Variants in NCKAP5 observed in about 807,000 individuals in gnomAD.
The protein encoded by NCKAP5 is nck-associated protein 5.
NCKAP5 carries 92 observed loss-of-function variants against 167.0 expected under a neutral mutation model. That is an observed-to-expected ratio of 0.55 (90% CI 0.47 to 0.66). NCKAP5 has a LOEUF of 0.66. Ranked by LOEUF, NCKAP5 falls within the 30% of genes least tolerant of loss-of-function variation. The probability of loss-of-function intolerance (pLI) is 0.00; values close to 1 mark genes in which losing one functional copy is unlikely to be tolerated. For synonymous variants in NCKAP5, 891 were observed against 877.4 expected (o/e 1.02, Z -0.27); for missense variants, 2,378 against 2,315.0 (o/e 1.03, Z -0.56).
At chr2:132,771,642 A>G (rs1457543421) in intron 16 of NCKAP5, among the ~76,000 whole-genome samples, 1 of 151,384 alleles carries the variant, frequency 6.6e-6, no homozygotes, top group African/African-American at 2.4e-5. Context: ...TAAGTGCCCT[A>G]TACAGGTATA....
rs546900812 is a variant in NCKAP5, at chr2:132,900,213, T to G, written c.580-21297A>C. On this transcript the variant is annotated intron_variant, in intron 8 of 19. Coordinates refer to ENST00000409261, the MANE Select transcript of NCKAP5 (RefSeq NM_207363.3). ...AATAATAATGAAAATGTTTAAAATC[T>G]TGTGAGATTATAAAAATGTGAAAAG... 3.9e-5 allele frequency among the ~76,000 whole-genome samples: 6 copies of G among 152,274 alleles called. No individual in the cohort carries two copies. In the East Asian group the frequency reaches 1.2e-3, roughly 29 times the overall value.
chr2:133,200,955 C>G (rs995464268), intron 5 of NCKAP5, among the ~76,000 whole-genome samples: 7 of 152,140 alleles, frequency 4.6e-5, no homozygotes, highest in Admixed American at 3.3e-4. Flanking sequence ...GTACCAAACC[C>G]TACATATACT....
At chr2:133,230,177 T>C (rs2087077976) in intron 4 of NCKAP5, among the ~76,000 whole-genome samples, 1 of 152,164 alleles carries the variant, frequency 6.6e-6, no homozygotes, top group Non-Finnish European at 1.5e-5. Flanking sequence ...GACACTGGCC[T>C]GGGTCCTGAA....
chr2:133,547,488 T>C (rs1198169775), intron 2 of NCKAP5, among the ~76,000 whole-genome samples: 7 of 152,010 alleles, frequency 4.6e-5, no homozygotes, highest in African/African-American at 1.7e-4. Flanking sequence ...GTCTGACAGC[T>C]TTGAAGAGAG....
At chr2:133,613,457 T>C in the NCKAP5 span, among the ~76,000 whole-genome samples, 1 of 152,222 alleles carries the variant, frequency 6.6e-6, no homozygotes, top group African/African-American at 2.4e-5. Flanking sequence ...AAGTAGTATT[T>C]TTCTAGCTCT....
At chr2:133,339,579 C>A (rs1171168583) in intron 3 of NCKAP5, among the ~76,000 whole-genome samples, 1 of 152,144 alleles carries the variant, frequency 6.6e-6, no homozygotes, top group African/African-American at 2.4e-5. Context: ...GTAATATGGT[C>A]AATGGCAGCC....
chr2:133,517,584 G>T lies in NCKAP5; in HGVS notation c.-58C>A. On this transcript the variant is annotated 5_prime_UTR_variant, in exon 3 of 20. Transcript: ENST00000409261. ...TAAGAATCCCCCGTCTGTTTCCAGGGTCACTGAAAAGAGTGAACATGTGTT... is the reference window on the plus strand; with the variant it reads ...TAAGAATCCCCCGTCTGTTTCCAGGTTCACTGAAAAGAGTGAACATGTGTT... 1 of 1,203,062 alleles carries T rather than the reference G, an allele frequency of 8.3e-7. No individual in the cohort carries two copies. The highest frequency in any genetic ancestry group is 1.2e-6 in the Non-Finnish European group (1 of 866,454). 74.5% of individuals were successfully genotyped at this position (1,203,062 alleles called of 1,614,324 possible).
At chr2:133,057,604 A>G (rs181587755) in intron 6 of NCKAP5, among the ~76,000 whole-genome samples, 2 of 152,362 alleles carry the variant, frequency 1.3e-5, no homozygotes, top group African/African-American at 2.4e-5. Context: ...CTTCAATTCT[A>G]TGAAGCCTGA....
At chr2:132,989,377 A>G (rs1193915393) in intron 7 of NCKAP5, among the ~76,000 whole-genome samples, 3 of 152,230 alleles carry the variant, frequency 2.0e-5, no homozygotes, top group Non-Finnish European at 4.4e-5. Context: ...ACAAATATGA[A>G]ACATAACACA....
the NCKAP5 span, among the ~76,000 whole-genome samples, chr2:133,591,295 G>A: frequency 1.7e-3 from 259 of 152,320 alleles, 1 homozygote; most frequent in African/African-American, 6.0e-3. Flanking sequence ...TTGGATGGCC[G>A]GGTTTCCCTT....
intron 6 of NCKAP5, among the ~76,000 whole-genome samples, chr2:133,056,245 C>T (rs2079796769): frequency 6.6e-6 from 1 of 152,118 alleles, no homozygotes; most frequent in African/African-American, 2.4e-5. Flanking sequence ...AAAACTTTCC[C>T]CAAAGCTGTA....
At chr2:132,919,775 C>T (rs1048290243) in intron 8 of NCKAP5, among the ~76,000 whole-genome samples, 10 of 152,094 alleles carry the variant, frequency 6.6e-5, no homozygotes, top group East Asian at 1.9e-4. Context: ...TTCTACAAGA[C>T]GATGCATCAA....
intron 5 of NCKAP5, among the ~76,000 whole-genome samples, chr2:133,161,735 C>G (rs2083801865): frequency 6.6e-6 from 1 of 152,220 alleles, no homozygotes; most frequent in Non-Finnish European, 1.5e-5. Context: ...GCTTTAGAAA[C>G]TCTCAACTGA....
chr2:133,649,370 C>T, the NCKAP5 span, among the ~76,000 whole-genome samples: 1 of 151,482 alleles, frequency 6.6e-6, no homozygotes, highest in African/African-American at 2.4e-5. Context: ...AGAATACTTC[C>T]AAACTGATTT....
At chr2:132,855,472 G>A (rs183542082) in intron 11 of NCKAP5, among the ~76,000 whole-genome samples, 66 of 152,262 alleles carry the variant, frequency 4.3e-4, no homozygotes, top group African/African-American at 1.4e-3. Context: ...GACTGGAGGC[G>A]CCTCCATGGC....
At chr2:132,925,904 A>G (rs1376292308) in intron 8 of NCKAP5, among the ~76,000 whole-genome samples, 3 of 152,194 alleles carry the variant, frequency 2.0e-5, no homozygotes, top group Non-Finnish European at 4.4e-5. Flanking sequence ...AAATTTTACG[A>G]ATTTAGGGGG....
chr2:133,417,563 G>A (rs1028474618), intron 3 of NCKAP5, among the ~76,000 whole-genome samples: 4 of 152,228 alleles, frequency 2.6e-5, no homozygotes, highest in Non-Finnish European at 4.4e-5. Flanking sequence ...GCTAATCCAA[G>A]GGGTTGGGAT....
intron 13 of NCKAP5, 32 bp from the exon 14 acceptor site, chr2:132,785,750 T>A (rs372403643): frequency 2.5e-5 from 37 of 1,453,744 alleles, no homozygotes; most frequent in Non-Finnish European, 3.3e-5. Flanking sequence ...CAGAAATGAT[T>A]GAACCATGTA....
chr2:133,011,069 G>T (rs1016411047), intron 6 of NCKAP5, among the ~76,000 whole-genome samples: 2 of 152,176 alleles, frequency 1.3e-5, no homozygotes, highest in African/African-American at 4.8e-5. Context: ...TTTTTAAGAT[G>T]TAAAGAATGA....
Sources: gnomAD v4.1 joint callset for allele counts (sites outside exome capture counted in the v4.1 genomes callset) on GRCh38, gnomAD v4.1.1 for gene constraint, MANE v1.5 for transcripts, NCBI Gene and HGNC (gene_info 2026-07-23, HGNC 2026-07-21) for gene names.